The following ACVR1 variants were observed in gnomAD, a reference collection of about 807,000 sequenced individuals.
The protein encoded by ACVR1 is activin receptor type-1.
A neutral mutation model predicts 57.1 loss-of-function variants in ACVR1; 38 were observed. That is an observed-to-expected ratio of 0.67 (90% CI 0.51 to 0.87). The LOEUF is 0.87. Among genes scored for constraint, ACVR1 ranks in the 40% least tolerant of loss-of-function variants. ACVR1 has a pLI of 0.00. For synonymous variants in ACVR1, 212 were observed against 228.1 expected (o/e 0.93, Z 0.63); for missense variants, 463 against 638.2 (o/e 0.73, Z 2.96).
chr2:157,775,364 C>A (rs1686240467), intron 5 of ACVR1, among the ~76,000 whole-genome samples: 1 of 152,192 alleles, frequency 6.6e-6, no homozygotes, highest in Non-Finnish European at 1.5e-5. Flanking sequence ...AGGTATCAGG[C>A]ATAGATTATC....
chr2:157,803,496 T>A (rs1231563002), intron 2 of ACVR1, among the ~76,000 whole-genome samples: 1 of 152,182 alleles, frequency 6.6e-6, no homozygotes, highest in Non-Finnish European at 1.5e-5. Flanking sequence ...GTTCTGGTAT[T>A]TCCTGACCAT....
At chr2:157,827,441 A>G (rs1007110879) in intron 1 of ACVR1, among the ~76,000 whole-genome samples, 18 of 152,214 alleles carry the variant, frequency 1.2e-4, no homozygotes, top group Non-Finnish European at 2.1e-4. Context: ...GTGTGTATAT[A>G]CTACATACCC....
intron 1 of ACVR1, among the ~76,000 whole-genome samples, chr2:157,833,144 A>G (rs1214880200): frequency 6.6e-6 from 1 of 152,180 alleles, no homozygotes; most frequent in East Asian, 1.9e-4. Context: ...TGTCAGCCCT[A>G]TCCTTCCTCA....
rs572771339 is a variant in ACVR1, at chr2:157,776,791, G to A, written c.543+1340C>T. ...CTTCTCCAGCATAAGGGGAGCTGCA[G>A]GGCAAGTGTAACTGCAGAACTATCA... On this transcript the variant is annotated intron_variant, in intron 5 of 10. Coordinates refer to ENST00000434821, the MANE Select transcript of ACVR1 (RefSeq NM_001111067.4). Among the ~76,000 whole-genome samples the A allele has an allele frequency of 5.3e-5, 8 of 152,324 alleles. No individual in the cohort carries two copies. The East Asian group carries it at 1.5e-3, about 29-fold the overall frequency.
At chr2:157,797,252 C>A (rs1272423834) in intron 3 of ACVR1, among the ~76,000 whole-genome samples, 1 of 152,036 alleles carries the variant, frequency 6.6e-6, no homozygotes, top group Non-Finnish European at 1.5e-5. Flanking sequence ...ATATTATGAA[C>A]CTAATATATA....
rs529741006 is a variant in ACVR1, at chr2:157,766,111, G to A, written c.876C>T (p.Tyr292=). The A allele has an allele frequency of 2.5e-5, 40 of 1,614,010 alleles. No homozygotes were observed. The East Asian group carries it at 3.8e-4, about 15-fold the overall frequency. Reference sequence around the variant, plus strand: ...CCAGAGTAGTAAGCTGAAGATAGTCGTACAACGATCCCATTTCATGATAAT... The same window carrying A: ...CCAGAGTAGTAAGCTGAAGATAGTCATACAACGATCCCATTTCATGATAAT... ...ITHYHEMGSL[Y]DYLQLTTLDT... The change falls in exon 8 of 11, where the codon TAC becomes TAT. Residue 292 remains tyrosine, a synonymous_variant. Transcript: ENST00000434821.
intron 3 of ACVR1, among the ~76,000 whole-genome samples, chr2:157,795,795 C>T (rs895774443): frequency 7.9e-5 from 12 of 151,956 alleles, no homozygotes; most frequent in Admixed American, 6.6e-4. Context: ...GCCCTTTTTC[C>T]GCCCCACTCT....
chr2:157,753,507 G>A (rs879301522), intron 9 of ACVR1, among the ~76,000 whole-genome samples: 3 of 152,048 alleles, frequency 2.0e-5, no homozygotes, highest in Non-Finnish European at 2.9e-5. Flanking sequence ...CAGCCTGGGC[G>A]ACAGAGCGAG....
At chr2:157,751,891 T>A (rs570481512) in intron 9 of ACVR1, among the ~76,000 whole-genome samples, 2 of 152,182 alleles carry the variant, frequency 1.3e-5, no homozygotes, top group Admixed American at 1.3e-4. Flanking sequence ...AAGATAAAGG[T>A]CATATTCTCT....
intron 3 of ACVR1, among the ~76,000 whole-genome samples, chr2:157,784,790 A>G (rs181792708): frequency 1.3e-5 from 2 of 152,356 alleles, no homozygotes; most frequent in South Asian, 2.1e-4. Context: ...CCTGCTCTGT[A>G]TGATCCTCAG....
rs544214060 is a variant in ACVR1 at position 157,799,343 on chromosome 2, T to G, written c.67+84A>C. 1.6e-5 allele frequency: 14 copies of G among 901,468 alleles called. 1 individual carries two copies. In the South Asian group the frequency reaches 1.6e-4, roughly 10 times the overall value. The allele number at this position is 901,468 out of a possible 1,614,324, so 55.8% of individuals were successfully genotyped here. ...TATAAAAAGAGTGTTTTAAGTTTGA[T>G]AGGCTTAAGAAGTAGTTTATAGTAA... is the stretch of plus-strand genomic sequence containing the variant. On this transcript the variant is annotated intron_variant, in intron 3 of 10. Transcript: ENST00000434821.
chr2:157,796,887 A>C (rs534909666), intron 3 of ACVR1, among the ~76,000 whole-genome samples: 2 of 152,258 alleles, frequency 1.3e-5, no homozygotes. Context: ...TCCCTTCCCC[A>C]TACCTTCTTG....
chr2:157,750,777 A>T (rs116755984), intron 9 of ACVR1, among the ~76,000 whole-genome samples: 2,590 of 152,278 alleles, frequency 0.017, 64 homozygotes, highest in African/African-American at 0.056. Context: ...ATGCCCGAAA[A>T]CAAATTCAAA....
At chr2:157,757,873 A>AAC (rs571262821) in intron 9 of ACVR1, among the ~76,000 whole-genome samples, 318 of 150,756 alleles carry the variant, frequency 2.1e-3, no homozygotes, top group Non-Finnish European at 3.0e-3. Flanking sequence ...AAAATATACA[A>AAC]ACACACACAC....
intron 2 of ACVR1, among the ~76,000 whole-genome samples, chr2:157,813,262 G>A (rs1165861356): frequency 2.6e-5 from 4 of 151,652 alleles, no homozygotes; most frequent in Admixed American, 1.3e-4. Flanking sequence ...ACAGATTAAT[G>A]AAACTAAACG....
chr2:157,854,333 G>C (rs1267256400), intron 1 of ACVR1, among the ~76,000 whole-genome samples: 2 of 152,086 alleles, frequency 1.3e-5, no homozygotes, highest in East Asian at 3.9e-4. Context: ...CAGCAAAATG[G>C]AACACAACAT....
chr2:157,868,283 G>C (rs1690007620), intron 1 of ACVR1, among the ~76,000 whole-genome samples: 1 of 151,610 alleles, frequency 6.6e-6, no homozygotes, highest in African/African-American at 2.4e-5. Flanking sequence ...AGGACTTCAA[G>C]ACCAGCCTGG....
intron 1 of ACVR1, among the ~76,000 whole-genome samples, chr2:157,829,246 C>G (rs1047421962): frequency 1.3e-5 from 2 of 152,266 alleles, no homozygotes; most frequent in African/African-American, 4.8e-5. Context: ...TCCATGTCAC[C>G]CACCATCCCA....
Position 157,778,065 on chromosome 2 carries a change from C to T in ACVR1, c.543+66G>A, listed in dbSNP as rs894177205. 8 of 1,553,038 alleles carry T rather than the reference C, an allele frequency of 5.2e-6. No individual in the cohort carries two copies. The African/African-American group carries it at 5.4e-5, about 11-fold the overall frequency. Reference sequence around the variant, plus strand: ...TCATTACTGGTTAGCGTTTCATGCTCGAAATAAGAACGTGTCTCCAGACAC... The same window carrying T: ...TCATTACTGGTTAGCGTTTCATGCTTGAAATAAGAACGTGTCTCCAGACAC... On this transcript the variant is annotated intron_variant, in intron 5 of 10. Transcript: ENST00000434821.
Sources: allele counts gnomAD v4.1 joint callset (sites outside exome capture counted in the v4.1 genomes callset), GRCh38; gene constraint gnomAD v4.1.1; transcripts MANE v1.5; gene names NCBI Gene and HGNC (gene_info 2026-07-23, HGNC 2026-07-21).